The following IL1RAPL1 variants were observed in gnomAD, a reference collection of about 807,000 sequenced individuals.
IL1RAPL1 encodes the protein interleukin 1 receptor accessory protein like 1, also known as interleukin-1 receptor accessory protein-like 1.
Under a neutral mutation model 48.4 loss-of-function variants are expected in IL1RAPL1, and 3 were observed. The ratio of observed to expected loss-of-function variants is 0.06; its 90% confidence interval spans 0.03 to 0.16. The LOEUF is 0.16. IL1RAPL1 is among the 10% of genes least tolerant of loss of function. The pLI, the probability that IL1RAPL1 is intolerant of heterozygous loss-of-function variation, is 1.00. For missense variants in IL1RAPL1, 349 were observed against 530.6 expected (o/e 0.66, Z 3.36); for synonymous variants, 185 against 187.7 (o/e 0.99, Z 0.12).
intron 5 of IL1RAPL1, among the ~76,000 whole-genome samples, chrX:29,439,851 GTT>G (rs760458968): frequency 2.7e-3 from 163 of 59,844 alleles, no homozygotes; most frequent in African/African-American, 0.011. Flanking sequence ...TGTTTGTTTG[GTT>G]TTTTTTTTTT....
intron 1 of IL1RAPL1, among the ~76,000 whole-genome samples, chrX:28,647,198 T>A (rs892804454): frequency 2.7e-5 from 3 of 112,341 alleles, no homozygotes; most frequent in Non-Finnish European, 5.6e-5. Flanking sequence ...TAATAATAAA[T>A]AAAAATCTAG....
At chrX:29,910,790 T>G (rs1932751146) in intron 6 of IL1RAPL1, among the ~76,000 whole-genome samples, 1 of 111,003 alleles carries the variant, frequency 9.0e-6, no homozygotes, top group Non-Finnish European at 1.9e-5. Flanking sequence ...AAATTTTGGT[T>G]TAATATGAAT....
intron 2 of IL1RAPL1, among the ~76,000 whole-genome samples, chrX:28,882,723 A>G (rs1026011563): frequency 7.1e-5 from 8 of 112,094 alleles, no homozygotes; most frequent in Non-Finnish European, 1.3e-4. Context: ...TCACCAGTAG[A>G]CCTGCCCTAC....
chrX:29,683,564 A>C (rs1457353033), intron 6 of IL1RAPL1, among the ~76,000 whole-genome samples: 1 of 112,402 alleles, frequency 8.9e-6, no homozygotes, highest in African/African-American at 3.2e-5. Flanking sequence ...TTTACAGATA[A>C]TGATCAAAGC....
intron 2 of IL1RAPL1, among the ~76,000 whole-genome samples, chrX:28,951,884 A>T (rs1924477456): frequency 9.0e-6 from 1 of 111,563 alleles, no homozygotes; most frequent in African/African-American, 3.3e-5. Flanking sequence ...AATAAACTTT[A>T]TCTTGATGCT....
intron 5 of IL1RAPL1, among the ~76,000 whole-genome samples, chrX:29,629,137 G>A (rs947905374): frequency 1.8e-5 from 2 of 111,711 alleles, no homozygotes; most frequent in African/African-American, 3.3e-5. Flanking sequence ...TTTAGTAAAG[G>A]AAATGAATTA....
chrX:29,189,790 C>G (rs1484340332), intron 2 of IL1RAPL1, among the ~76,000 whole-genome samples: 4 of 111,610 alleles, frequency 3.6e-5, no homozygotes, highest in Non-Finnish European at 1.9e-5. Context: ...TACTCTGGCA[C>G]TATCAGATCT....
At chrX:29,545,197 AT>A (rs1921582505) in intron 5 of IL1RAPL1, among the ~76,000 whole-genome samples, 3 of 104,956 alleles carry the variant, frequency 2.9e-5, no homozygotes, top group Admixed American at 1.0e-4. Flanking sequence ...CTATCTATCT[AT>A]CTATCTATCT....
intron 10 of IL1RAPL1, 89 bp downstream of exon 10, chrX:29,954,781 C>A: frequency 2.5e-6 from 2 of 800,659 alleles, no homozygotes; most frequent in Non-Finnish European, 3.8e-6. Context: ...ATGTTTGGTT[C>A]TTTACTTCAA....
chrX:29,416,443 T>C (rs775977253), intron 5 of IL1RAPL1, among the ~76,000 whole-genome samples: 1 of 110,657 alleles, frequency 9.0e-6, no homozygotes, highest in African/African-American at 3.3e-5. Flanking sequence ...AGCCGAGGCA[T>C]GAGAATCACT....
At chrX:29,113,446 T>C (rs1030709312) in intron 2 of IL1RAPL1, among the ~76,000 whole-genome samples, 4 of 111,608 alleles carry the variant, frequency 3.6e-5, no homozygotes, top group Non-Finnish European at 5.6e-5. Flanking sequence ...AAAGTCACTG[T>C]TTGAATTGGG....
At chrX:29,386,375 A>G (rs1475417725) in intron 3 of IL1RAPL1, among the ~76,000 whole-genome samples, 1 of 110,603 alleles carries the variant, frequency 9.0e-6, no homozygotes, top group Non-Finnish European at 1.9e-5. Context: ...TTGAGGTGGT[A>G]TTGAAAGGTA....
At chrX:29,183,735 C>A (rs1285161419) in intron 2 of IL1RAPL1, among the ~76,000 whole-genome samples, 1 of 112,019 alleles carries the variant, frequency 8.9e-6, no homozygotes, top group East Asian at 2.8e-4. Flanking sequence ...CTCATGTTGC[C>A]CAGGCCAGAG....
At chrX:28,752,788 A>G (rs1016708388) in intron 1 of IL1RAPL1, among the ~76,000 whole-genome samples, 3 of 111,023 alleles carry the variant, frequency 2.7e-5, no homozygotes, top group African/African-American at 9.9e-5. Context: ...AGAAGCTGGT[A>G]CAGCTTCACC....
chrX:28,765,824 A>T (rs1055371304), intron 1 of IL1RAPL1, among the ~76,000 whole-genome samples: 5 of 112,215 alleles, frequency 4.5e-5, no homozygotes, highest in African/African-American at 1.6e-4. Flanking sequence ...TGAAAAACAC[A>T]TGGACGTGTT....
chrX:29,150,915 C>T (rs1182624813), intron 2 of IL1RAPL1, among the ~76,000 whole-genome samples: 1 of 99,166 alleles, frequency 1.0e-5, no homozygotes, highest in Non-Finnish European at 2.0e-5. Flanking sequence ...GAGCAAGACT[C>T]CATCTCAAAA....
chrX:28,984,613 A>G (rs1036597105), intron 2 of IL1RAPL1, among the ~76,000 whole-genome samples: 7 of 111,026 alleles, frequency 6.3e-5, no homozygotes, highest in Non-Finnish European at 1.3e-4. Flanking sequence ...AAACTTACCT[A>G]TATATCTCAG....
At chrX:29,649,943 G>T (rs1925462987) in intron 5 of IL1RAPL1, among the ~76,000 whole-genome samples, 1 of 111,265 alleles carries the variant, frequency 9.0e-6, no homozygotes, top group African/African-American at 3.3e-5. Flanking sequence ...ATAATAATTA[G>T]TAACATTTCT....
At chrX:29,561,073 T>C (rs1021531227) in intron 5 of IL1RAPL1, among the ~76,000 whole-genome samples, 1 of 112,193 alleles carries the variant, frequency 8.9e-6, no homozygotes, top group Non-Finnish European at 1.9e-5. Flanking sequence ...TTACTATGGA[T>C]ACACCTGCCC....
Sources: allele counts gnomAD v4.1 joint callset (sites outside exome capture counted in the v4.1 genomes callset), GRCh38; gene constraint gnomAD v4.1.1; transcripts MANE v1.5; gene names NCBI Gene and HGNC (gene_info 2026-07-23, HGNC 2026-07-21).